TTC7A: variants seen among roughly 807,000 people sequenced by gnomAD.
TTC7A encodes the protein tetratricopeptide repeat protein 7A.
TTC7A carries 110 observed loss-of-function variants against 103.7 expected under a neutral mutation model. That is an observed-to-expected ratio of 1.06 (90% CI 0.91 to 1.24). The LOEUF is 1.24. Ranked by LOEUF, TTC7A falls within the 50% of genes most tolerant of loss-of-function variation. The pLI, the probability that TTC7A is intolerant of heterozygous loss-of-function variation, is 0.00. For missense variants in TTC7A, 1,340 were observed against 1,116.3 expected, an observed-to-expected ratio of 1.20 and a Z score of -2.86; for synonymous variants, 521 against 467.9, an observed-to-expected ratio of 1.11 and a Z score of -1.47.
At chr2:47,040,092 G>T (rs1681569029) in intron 15 of TTC7A, among the ~76,000 whole-genome samples, 2 of 152,204 alleles carry the variant, frequency 1.3e-5, no homozygotes, top group Admixed American at 6.5e-5. Context: ...GGAACACCGA[G>T]CCTGGGTGAG....
At chr2:46,978,945 C>A (rs772403681) in intron 5 of TTC7A, 38 bp downstream of exon 5, 15 of 1,478,504 alleles carry the variant, frequency 1.0e-5, no homozygotes, top group African/African-American at 6.9e-5. Context: ...GAGAACGATT[C>A]CCCTGGGCTG....
intron 18 of TTC7A, 39 bp from the exon 19 acceptor site, chr2:47,060,730 C>T (rs769304977): frequency 6.4e-7 from 1 of 1,559,734 alleles, no homozygotes. Flanking sequence ...CTCTGACTCC[C>T]CACCACTCAC....
intron 5 of TTC7A, among the ~76,000 whole-genome samples, chr2:46,984,429 C>T (rs1004667939): frequency 2.9e-4 from 44 of 152,242 alleles, no homozygotes; most frequent in African/African-American, 1.0e-3. Flanking sequence ...TTTCTCCCCT[C>T]TAAGATGGGG....
At chr2:46,929,675 A>G (rs1669591793) in intron 2 of TTC7A, among the ~76,000 whole-genome samples, 1 of 152,216 alleles carries the variant, frequency 6.6e-6, no homozygotes, top group Non-Finnish European at 1.5e-5. Flanking sequence ...GTATCTTAAA[A>G]ATAAGAAAGA....
chr2:46,934,510 G>A (rs1421660925), intron 2 of TTC7A, among the ~76,000 whole-genome samples: 1 of 152,084 alleles, frequency 6.6e-6, no homozygotes, highest in Admixed American at 6.6e-5. Flanking sequence ...CTGACCTCAA[G>A]TGATCCACCC....
At chr2:47,023,256 C>T in intron 12 of TTC7A, 152 bp from the exon 13 acceptor site, 1 of 713,258 alleles carries the variant, frequency 1.4e-6, no homozygotes, top group Non-Finnish European at 2.3e-6. Context: ...GAAGCCAGGG[C>T]ATTGGCCCAG....
chr2:46,922,457 C>T (rs1253120730), intron 2 of TTC7A, among the ~76,000 whole-genome samples: 2 of 152,002 alleles, frequency 1.3e-5, no homozygotes, highest in Non-Finnish European at 2.9e-5. Context: ...CTTGTGGGTT[C>T]CTGGTTTATA....
intron 3 of TTC7A, among the ~76,000 whole-genome samples, chr2:46,969,032 G>A (rs181028957): frequency 1.3e-5 from 2 of 151,590 alleles, no homozygotes; most frequent in African/African-American, 4.8e-5. Flanking sequence ...CTCCCACAGT[G>A]CTGGGATTAC....
chr2:46,981,699 C>T (rs1460139721), intron 5 of TTC7A, among the ~76,000 whole-genome samples: 1 of 152,220 alleles, frequency 6.6e-6, no homozygotes, highest in African/African-American at 2.4e-5. Context: ...AGTGGGTCTC[C>T]AGGTGCTCTG....
At chr2:47,051,657 T>TC in intron 17 of TTC7A, 89 bp from the exon 18 acceptor site, 1 of 1,465,878 alleles carries the variant, frequency 6.8e-7, no homozygotes, top group South Asian at 1.4e-5. Context: ...GTGCCCTGTC[T>TC]CCCCATGGTG....
rs147112070 is a variant in TTC7A at position 47,011,406 on chromosome 2, G to T, written c.1363G>T (p.Ala455Ser). 6.2e-7 allele frequency: 1 copy of T among 1,609,900 alleles called. No homozygotes were observed. Among genetic ancestry groups the T allele is most frequent in the African/African-American group, 1.3e-5 (1 of 75,056 alleles). The part of the protein sequence containing the change: ...PSDPTVPLMA[A>S]KVCIGSLRWL... ...GGACCCCACCGTGCCCCTGATGGCC[G>T]CGAAGGTCTGCATCGGGTCCCTTCG... The change falls in exon 11 of 20, where the codon GCG (alanine) becomes TCG (serine). Residue 455 changes from alanine to serine, a missense_variant. Coordinates refer to ENST00000319190, the MANE Select transcript of TTC7A (RefSeq NM_020458.4).
intron 1 of TTC7A, among the ~76,000 whole-genome samples, chr2:46,947,124 T>G (rs1184119676): frequency 1.3e-5 from 2 of 152,204 alleles, no homozygotes. Flanking sequence ...AGACTGTTGT[T>G]TATTTTGAAA....
chr2:47,033,790 G>A (rs1315434665), intron 15 of TTC7A, among the ~76,000 whole-genome samples: 2 of 152,190 alleles, frequency 1.3e-5, no homozygotes, highest in South Asian at 2.1e-4. Flanking sequence ...CACCAACAGC[G>A]TGAGGCTGTA....
intron 1 of TTC7A, among the ~76,000 whole-genome samples, chr2:46,944,623 C>T (rs746024989): frequency 7.2e-5 from 11 of 152,026 alleles, no homozygotes; most frequent in Admixed American, 7.2e-4. Flanking sequence ...TTTGGGAGGC[C>T]AAGACGGGAG....
intron 3 of TTC7A, among the ~76,000 whole-genome samples, chr2:46,958,132 G>A (rs1425302511): frequency 6.6e-6 from 1 of 152,072 alleles, no homozygotes; most frequent in Admixed American, 6.5e-5. Flanking sequence ...GAGTGACTGT[G>A]ACATCTGTGG....
chr2:46,984,551 G>C (rs561779563), intron 5 of TTC7A, among the ~76,000 whole-genome samples: 5 of 152,172 alleles, frequency 3.3e-5, no homozygotes, highest in African/African-American at 1.2e-4. Flanking sequence ...AGAGCCCCCC[G>C]ACAGCCACCT....
At chr2:47,072,599 G>A (rs1400414067) in intron 19 of TTC7A, among the ~76,000 whole-genome samples, 1 of 152,214 alleles carries the variant, frequency 6.6e-6, no homozygotes, top group Non-Finnish European at 1.5e-5. Context: ...CAGTGGGCGG[G>A]CACCGGAGAG....
chr2:46,975,017 C>T lies in TTC7A; in HGVS notation c.562C>T (p.Arg188Cys), dbSNP rs544316606. 3.1e-5 allele frequency: 50 copies of T among 1,614,052 alleles called. No individual in the cohort carries two copies. The highest frequency in any genetic ancestry group is 1.6e-4 in the South Asian group (15 of 91,076). The change falls in exon 4 of 20, where the codon CGC (arginine) becomes TGC (cysteine). Residue 188 changes from arginine (R) to cysteine (C), a missense_variant. Physicochemically the swap from Arg to Cys is radical, Grantham distance 180. Coordinates refer to ENST00000319190, the MANE Select transcript of TTC7A (RefSeq NM_020458.4). ...RLPNSIASRF[R>C]LTEREEEVIT... is the part of the protein sequence containing the mutation. ...ACCCAACTCCATCGCCTCCCGCTTC[C>T]GCCTGACAGAGAGGGAGGAGGAAGT...
intron 3 of TTC7A, among the ~76,000 whole-genome samples, chr2:46,961,604 T>TAAATAAATAAATAAATAAAA (rs765403034): frequency 2.8e-5 from 4 of 144,758 alleles, no homozygotes; most frequent in East Asian, 2.0e-4. Flanking sequence ...AATAAATAAA[T>TAAATAAATAAATAAATAAAA]AAAATAAAAA....
Sources: gnomAD v4.1 joint callset for allele counts (sites outside exome capture counted in the v4.1 genomes callset) on GRCh38, gnomAD v4.1.1 for gene constraint, MANE v1.5 for transcripts, NCBI Gene and HGNC (gene_info 2026-07-23, HGNC 2026-07-21) for gene names.